Variants in CCDC191 observed in about 807,000 individuals in gnomAD.
CCDC191 encodes coiled-coil domain-containing protein 191.
In CCDC191, 99 loss-of-function variants were observed where a neutral mutation model predicts 114.0. The observed-to-expected ratio is 0.87, with a 90% CI of 0.74 to 1.03. The LOEUF is 1.03. Ranked by LOEUF, CCDC191 falls within the 50% of genes least tolerant of loss-of-function variation. CCDC191 has a pLI of 0.00. For missense variants in CCDC191, 973 were observed against 1,087.0 expected, an observed-to-expected ratio of 0.90 and a Z score of 1.47; for synonymous variants, 351 against 376.0, an observed-to-expected ratio of 0.93 and a Z score of 0.77.
intron 11 of CCDC191, chr3:114,004,209 A>G: frequency 1.0e-6 from 1 of 970,128 alleles, no homozygotes; most frequent in Non-Finnish European, 1.2e-6. Context: ...ATAATATTAT[A>G]AAATAATAAC....
At chr3:113,966,795 G>T (rs1357375641) in intron 16 of CCDC191, among the ~76,000 whole-genome samples, 1 of 151,734 alleles carries the variant, frequency 6.6e-6, no homozygotes, top group African/African-American at 2.4e-5. Context: ...GTTGGTGGAG[G>T]TACTGCTTTA....
chr3:113,995,147 A>G (rs528824265), intron 13 of CCDC191, among the ~76,000 whole-genome samples: 1 of 152,174 alleles, frequency 6.6e-6, no homozygotes, highest in Non-Finnish European at 1.5e-5. Context: ...GGCAAAACAC[A>G]TAGGGATAGA....
At chr3:113,993,542 T>C (rs2075636074) in intron 13 of CCDC191, among the ~76,000 whole-genome samples, 1 of 152,124 alleles carries the variant, frequency 6.6e-6, no homozygotes, top group Non-Finnish European at 1.5e-5. Flanking sequence ...TGAACGTCCA[T>C]ATAAAAAATA....
chr3:113,978,921 C>T lies in CCDC191; in HGVS notation c.2397G>A (p.Met799Ile), dbSNP rs1354148667. Residue 799 changes from methionine to isoleucine, a missense_variant, in exon 15 of 17, where the codon ATG becomes ATA. Transcript: ENST00000295878. ...QRSQESLARK[M>I]AQADQFYSQI... ...GGGAATAAAATTGATCAGCCTGGGC[C>T]ATCTTTCTAGCCAGACTTTCCTGAC... 2.5e-6 allele frequency: 4 copies of T among 1,614,064 alleles called. 1 individual carries two copies. In the South Asian group the frequency reaches 4.4e-5, roughly 18 times the overall value.
At chr3:114,021,674 C>T (rs767522066) in intron 7 of CCDC191, among the ~76,000 whole-genome samples, 26 of 151,936 alleles carry the variant, frequency 1.7e-4, no homozygotes, top group Non-Finnish European at 3.5e-4. Flanking sequence ...TCTTTCTATT[C>T]CTCCCTCCCC....
chr3:114,021,223 G>C (rs1159085023), intron 7 of CCDC191, among the ~76,000 whole-genome samples: 3 of 152,092 alleles, frequency 2.0e-5, no homozygotes, highest in Non-Finnish European at 4.4e-5. Context: ...TCTGAATGTA[G>C]GAGGGGAAAT....
chr3:114,000,531 CTT>C (rs1378720056), intron 13 of CCDC191, among the ~76,000 whole-genome samples: 2 of 152,186 alleles, frequency 1.3e-5, no homozygotes, highest in Non-Finnish European at 2.9e-5. Flanking sequence ...TACTGGTTCT[CTT>C]TTTCTGGAGA....
chr3:114,021,419 C>A (rs1017921851), intron 7 of CCDC191, among the ~76,000 whole-genome samples: 2 of 151,756 alleles, frequency 1.3e-5, no homozygotes, highest in African/African-American at 4.8e-5. Context: ...GGTTTTTTCC[C>A]TGCCTGCTCA....
At chr3:114,050,460 T>A (rs1462690513) in intron 2 of CCDC191, among the ~76,000 whole-genome samples, 1 of 152,186 alleles carries the variant, frequency 6.6e-6, no homozygotes, top group Non-Finnish European at 1.5e-5. Context: ...AATGCCAAAA[T>A]AATTCTAGGT....
chr3:114,032,843 T>C (rs1309757024), intron 6 of CCDC191, among the ~76,000 whole-genome samples: 1 of 152,186 alleles, frequency 6.6e-6, no homozygotes, highest in African/African-American at 2.4e-5. Context: ...AGATTTAAGA[T>C]AGCTTACAAA....
intron 16 of CCDC191, among the ~76,000 whole-genome samples, chr3:113,970,874 A>G (rs1274164047): frequency 6.6e-6 from 1 of 152,008 alleles, no homozygotes; most frequent in Non-Finnish European, 1.5e-5. Flanking sequence ...AGCTTCATCC[A>G]TGTCCCTACA....
At chr3:113,973,596 GTT>G (rs61420341) in intron 16 of CCDC191, among the ~76,000 whole-genome samples, 7 of 145,596 alleles carry the variant, frequency 4.8e-5, no homozygotes, top group African/African-American at 1.8e-4. Context: ...TGGATGGCAG[GTT>G]TTTTTTTTTT....
At chr3:114,021,792 T>G (rs965060055) in intron 7 of CCDC191, among the ~76,000 whole-genome samples, 3 of 152,176 alleles carry the variant, frequency 2.0e-5, no homozygotes, top group Non-Finnish European at 4.4e-5. Context: ...AGATGTATGA[T>G]TTAAAACCAC....
chr3:114,005,247 T>C (rs1462098164), intron 10 of CCDC191, among the ~76,000 whole-genome samples: 1 of 152,218 alleles, frequency 6.6e-6, no homozygotes, highest in Non-Finnish European at 1.5e-5. Flanking sequence ...GACAGCATTT[T>C]TCTCTTTAAC....
At chr3:114,041,473 A>G (rs1306967276) in intron 4 of CCDC191, among the ~76,000 whole-genome samples, 1 of 152,218 alleles carries the variant, frequency 6.6e-6, no homozygotes, top group African/African-American at 2.4e-5. Context: ...GGAAACTTCT[A>G]TGAGAATTAG....
Position 114,036,659 on chromosome 3 carries a change from G to T in CCDC191, c.543C>A (p.Asp181Glu), listed in dbSNP as rs1237186958. ...MEDLGRKENQ[D>E]KKQQKDPRLT... ...GACGAGGATCCTTCTGCTGCTTCTT[G>T]TCTTGGTTTTCCTTCCTTCCAAGAT... Residue 181 changes from aspartate (D) to glutamate (E), a missense_variant, in exon 5 of 17, where the codon GAC becomes GAA. Physicochemically the swap from Asp to Glu is conservative, Grantham distance 45 (BLOSUM62 2). Coordinates refer to ENST00000295878, the MANE Select transcript of CCDC191 (RefSeq NM_020817.2). The T allele has an allele frequency of 8.7e-6, 14 of 1,605,516 alleles. No homozygotes were observed. Among genetic ancestry groups the T allele is most frequent in the Non-Finnish European group, 1.2e-5 (14 of 1,175,316 alleles).
At chr3:114,014,252 C>T (rs537206917) in intron 8 of CCDC191, among the ~76,000 whole-genome samples, 27 of 152,174 alleles carry the variant, frequency 1.8e-4, no homozygotes, top group Admixed American at 7.2e-4. Flanking sequence ...CCCCCAGGGA[C>T]AAAATGGAAG....
chr3:113,990,669 A>T (rs2107634704), intron 13 of CCDC191, among the ~76,000 whole-genome samples: 1 of 151,746 alleles, frequency 6.6e-6, no homozygotes, highest in Non-Finnish European at 1.5e-5. Flanking sequence ...TTCACCAGTG[A>T]ATTCTACCAA....
chr3:114,005,437 A>G (rs1283172514), intron 10 of CCDC191, 71 bp downstream of exon 10: 1 of 1,426,920 alleles, frequency 7.0e-7, no homozygotes, highest in Non-Finnish European at 9.5e-7. Context: ...AAGCAGGGCA[A>G]AGAAGCTCAG....
Sources: gnomAD v4.1 joint callset for allele counts (sites outside exome capture counted in the v4.1 genomes callset) on GRCh38, gnomAD v4.1.1 for gene constraint, MANE v1.5 for transcripts, NCBI Gene and HGNC (gene_info 2026-07-23, HGNC 2026-07-21) for gene names.